Variants in COMMD1 observed in about 807,000 individuals in gnomAD.
The protein encoded by COMMD1 is copper metabolism domain containing 1, also known as COMM domain-containing protein 1.
COMMD1 carries 10 observed loss-of-function variants against 17.2 expected under a neutral mutation model. That is an observed-to-expected ratio of 0.58 (90% CI 0.36 to 0.99). COMMD1 has a LOEUF of 0.99. Ranked by LOEUF, COMMD1 falls within the 50% of genes least tolerant of loss-of-function variation. The pLI, the probability that COMMD1 is intolerant of heterozygous loss-of-function variation, is 0.01. For synonymous variants in COMMD1, 97 were observed against 91.6 expected (o/e 1.06, Z -0.34); for missense variants, 270 against 231.8 (o/e 1.17, Z -1.07).
chr2:61,888,630 C>T, upstream of COMMD1: 3 of 1,227,166 alleles, frequency 2.4e-6, no homozygotes, highest in Non-Finnish European at 3.3e-6. Flanking sequence ...GCGGCGCCGG[C>T]GTCGGGAGGA....
intron 1 of COMMD1, among the ~76,000 whole-genome samples, chr2:61,937,195 C>T (rs919295908): frequency 1.3e-5 from 2 of 152,168 alleles, no homozygotes; most frequent in Admixed American, 6.5e-5. Context: ...ATCAGACTTA[C>T]AGTCTGCATT....
chr2:62,096,585 G>T (rs1337443449), intron 2 of COMMD1, among the ~76,000 whole-genome samples: 1 of 152,154 alleles, frequency 6.6e-6, no homozygotes, highest in Non-Finnish European at 1.5e-5. Flanking sequence ...TTATATAGGG[G>T]TTGGGCATTA....
rs751528505 is a variant in COMMD1, at chr2:62,000,694, T to C, written c.181-7T>C. 3 of 1,614,094 alleles carry C rather than the reference T, an allele frequency of 1.9e-6. No individual in the cohort carries two copies. Among genetic ancestry groups the C allele is most frequent in the Non-Finnish European group, 2.5e-6 (3 of 1,179,984 alleles). On this transcript the variant is annotated splice_polypyrimidine_tract_variant and splice_region_variant and intron_variant, in intron 1 of 2. Transcript: ENST00000311832. ...CAAATTTTTTGCTTTTTCTGTCATC[T>C]TTATAGTCTATTGCGTCTGCAGACA...
intron 1 of COMMD1, among the ~76,000 whole-genome samples, chr2:61,977,455 G>T (rs1169137649): frequency 6.7e-5 from 10 of 150,226 alleles, no homozygotes; most frequent in Non-Finnish European, 1.3e-4. Context: ...TGTTGGTTAG[G>T]CTGGTCTCGA....
intron 1 of COMMD1, among the ~76,000 whole-genome samples, chr2:61,913,647 T>C (rs1365550508): frequency 6.6e-6 from 1 of 150,458 alleles, no homozygotes; most frequent in Admixed American, 6.7e-5. Context: ...ATACAAAAAA[T>C]TAGCTGGGCA....
intron 2 of COMMD1, among the ~76,000 whole-genome samples, chr2:62,002,491 G>GAAA (rs11310507): frequency 1.9e-3 from 67 of 35,090 alleles, no homozygotes; most frequent in Non-Finnish European, 2.7e-3. Flanking sequence ...GATTCCACCA[G>GAAA]AAAAAAAAAA....
intron 1 of COMMD1, among the ~76,000 whole-genome samples, chr2:61,976,295 A>T (rs919337961): frequency 6.6e-6 from 1 of 152,148 alleles, no homozygotes; most frequent in Admixed American, 6.5e-5. Flanking sequence ...CATTTTAAAT[A>T]CAAAGAACAT....
At chr2:61,893,670 T>G (rs1454207175) in intron 1 of COMMD1, among the ~76,000 whole-genome samples, 1 of 152,040 alleles carries the variant, frequency 6.6e-6, no homozygotes, top group Non-Finnish European at 1.5e-5. Context: ...AAAAATTAGC[T>G]GGGCATGGTG....
At chr2:62,016,896 TGAGGCCATTCTTAACATTTTGTATG>T (rs1669466006) in intron 2 of COMMD1, among the ~76,000 whole-genome samples, 1 of 152,218 alleles carries the variant, frequency 6.6e-6, no homozygotes, top group Non-Finnish European at 1.5e-5. Context: ...TCATATGATA[TGAGGCCATTCTTAACATTTTGTATG>T]GATTTTTAAA....
At chr2:62,017,003 C>A (rs572894365) in intron 2 of COMMD1, among the ~76,000 whole-genome samples, 33 of 152,220 alleles carry the variant, frequency 2.2e-4, no homozygotes, top group African/African-American at 7.7e-4. Flanking sequence ...GTAAATTTAT[C>A]ATGTTTCTGA....
chr2:61,941,229 C>T (rs927714129), intron 1 of COMMD1, among the ~76,000 whole-genome samples: 26 of 151,956 alleles, frequency 1.7e-4, no homozygotes, highest in African/African-American at 6.0e-4. Flanking sequence ...GGTTTCACCA[C>T]GTTGGCCAGG....
chr2:62,113,660 A>G (rs1307219443), intron 2 of COMMD1, among the ~76,000 whole-genome samples: 1 of 152,226 alleles, frequency 6.6e-6, no homozygotes, highest in African/African-American at 2.4e-5. Context: ...CTGGGATTAC[A>G]GGCATGAGCC....
chr2:61,990,418 G>A (rs1468167330), intron 1 of COMMD1, among the ~76,000 whole-genome samples: 1 of 152,160 alleles, frequency 6.6e-6, no homozygotes, highest in Non-Finnish European at 1.5e-5. Flanking sequence ...TGGGCACACT[G>A]CCTGACACCT....
intron 1 of COMMD1, among the ~76,000 whole-genome samples, chr2:61,995,518 T>C (rs962414263): frequency 2.0e-5 from 3 of 152,242 alleles, no homozygotes; most frequent in Non-Finnish European, 2.9e-5. Flanking sequence ...AAATCATTGT[T>C]TGATGTCTCA....
At chr2:62,036,289 T>C (rs958448012) in intron 2 of COMMD1, among the ~76,000 whole-genome samples, 3 of 152,214 alleles carry the variant, frequency 2.0e-5, no homozygotes, top group African/African-American at 7.2e-5. Flanking sequence ...ATGGACATTG[T>C]TTTATCATAT....
At chr2:62,034,302 G>T (rs1445427420) in intron 2 of COMMD1, among the ~76,000 whole-genome samples, 1 of 151,804 alleles carries the variant, frequency 6.6e-6, no homozygotes, top group Non-Finnish European at 1.5e-5. Context: ...AGACGTTCGA[G>T]ATCAGCCTGG....
chr2:62,054,844 T>C (rs1324455077), intron 2 of COMMD1, among the ~76,000 whole-genome samples: 1 of 152,218 alleles, frequency 6.6e-6, no homozygotes, highest in Non-Finnish European at 1.5e-5. Flanking sequence ...ATTGCACATG[T>C]ACTTCATAAA....
chr2:61,955,557 T>C (rs1671176266), intron 1 of COMMD1, among the ~76,000 whole-genome samples: 1 of 152,216 alleles, frequency 6.6e-6, no homozygotes, highest in African/African-American at 2.4e-5. Context: ...ACCAAAGCTT[T>C]CAAAGAGTTC....
chr2:61,937,141 T>A lies in COMMD1; in HGVS notation c.180+31283T>A, dbSNP rs192224068. Among the ~76,000 whole-genome samples the A allele has an allele frequency of 2.0e-5, 3 of 152,308 alleles. No homozygotes were observed. In the East Asian group the frequency reaches 5.8e-4, roughly 29 times the overall value. ...AAGGTTTTATCCTGCAGATAAAGCCTCCAGGTAGCAGACTTTATAGAAAAT... is the reference window on the plus strand; with the variant it reads ...AAGGTTTTATCCTGCAGATAAAGCCACCAGGTAGCAGACTTTATAGAAAAT... On this transcript the variant is annotated intron_variant, in intron 1 of 2. Transcript: ENST00000311832.
Sources: gnomAD v4.1 joint callset for allele counts (sites outside exome capture counted in the v4.1 genomes callset) on GRCh38, gnomAD v4.1.1 for gene constraint, MANE v1.5 for transcripts, NCBI Gene and HGNC (gene_info 2026-07-23, HGNC 2026-07-21) for gene names.